KDM4B: variants seen among roughly 807,000 people sequenced by gnomAD.
KDM4B encodes the protein lysine-specific demethylase 4B.
Under a neutral mutation model 125.2 loss-of-function variants are expected in KDM4B, and 32 were observed. The observed-to-expected ratio is 0.26, with a 90% CI of 0.19 to 0.34. The LOEUF is 0.34. KDM4B is among the 10% of genes least tolerant of loss of function. The pLI, the probability that KDM4B is intolerant of heterozygous loss-of-function variation, is 1.00. For missense variants in KDM4B, 1,190 were observed against 1,577.7 expected, an observed-to-expected ratio of 0.75 and a Z score of 4.16; for synonymous variants, 721 against 677.9, an observed-to-expected ratio of 1.06 and a Z score of -0.99.
intron 2 of KDM4B, among the ~76,000 whole-genome samples, chr19:5,019,868 GGGTGTGCAGGTGTT>G (rs1457558377): frequency 1.4e-5 from 2 of 139,544 alleles, no homozygotes. Flanking sequence ...GTGTCGGTGT[GGGTGTGCAGGTGTT>G]GGTGTGCAGG....
intron 1 of KDM4B, among the ~76,000 whole-genome samples, chr19:5,015,771 C>T (rs1320098361): frequency 6.6e-6 from 1 of 152,236 alleles, no homozygotes; most frequent in Non-Finnish European, 1.5e-5. Context: ...ATCTGAGCGT[C>T]TTTGTGTCCA....
At chr19:5,120,493 G>A (rs1423570615) in intron 11 of KDM4B, among the ~76,000 whole-genome samples, 1 of 136,548 alleles carries the variant, frequency 7.3e-6, no homozygotes, top group Admixed American at 6.9e-5. Flanking sequence ...CCCGGGGCTG[G>A]CAAGACAGGG....
intron 9 of KDM4B, among the ~76,000 whole-genome samples, chr19:5,104,919 A>C (rs1380783043): frequency 6.6e-6 from 1 of 152,178 alleles, no homozygotes; most frequent in East Asian, 1.9e-4. Flanking sequence ...GGGCTCATTA[A>C]GATAACTGGG....
rs1172720868 is a variant in KDM4B at position 5,131,400 on chromosome 19, G to A, written c.1640G>A (p.Cys547Tyr). 1.9e-6 allele frequency: 3 copies of A among 1,611,540 alleles called. No homozygotes were observed. The highest frequency in any genetic ancestry group is 2.5e-6 in the Non-Finnish European group (3 of 1,179,674). ...GCCTTCAACCAGGAGCACGTGTCCT[G>A]CCAGCAGGCCTTTGAGCACTTTGCC... is the stretch of plus-strand genomic sequence containing the variant. ...KAAFNQEHVS[C>Y]QQAFEHFAQK... Residue 547 changes from cysteine to tyrosine, a missense_variant, in exon 12 of 23, where the codon TGC (cysteine) becomes TAC (tyrosine). Transcript: ENST00000159111.
At chr19:5,136,804 T>C (rs2039656248) in intron 15 of KDM4B, among the ~76,000 whole-genome samples, 1 of 152,148 alleles carries the variant, frequency 6.6e-6, no homozygotes, top group Non-Finnish European at 1.5e-5. Context: ...CTGCCCTCGC[T>C]CTGGGGGCAT....
intron 21 of KDM4B, among the ~76,000 whole-genome samples, chr19:5,145,540 C>T (rs2039826532): frequency 6.6e-6 from 1 of 152,122 alleles, no homozygotes; most frequent in Non-Finnish European, 1.5e-5. Context: ...GAGATCACAC[C>T]ACTGCACTCC....
chr19:4,974,551 C>A (rs888155061), intron 1 of KDM4B, among the ~76,000 whole-genome samples: 1 of 151,512 alleles, frequency 6.6e-6, no homozygotes, highest in East Asian at 2.0e-4. Flanking sequence ...CCAGCCTGGC[C>A]AACATAGTGA....
In KDM4B at chr19:5,078,778, C is replaced by G. The variant is rs1357300327; in HGVS notation, c.780+1308C>G. The G allele has an allele frequency of 1.3e-5, 2 of 152,142 alleles. No individual in the cohort carries two copies. Among genetic ancestry groups the G allele is most frequent in the East Asian group, 1.9e-4 (1 of 5,150 alleles). 9.4% of individuals were successfully genotyped at this position (152,142 alleles called of 1,614,324 possible). On this transcript the variant is annotated intron_variant, in intron 8 of 22. Transcript: ENST00000159111. The surrounding 1 kb of genome is among the most constrained non-coding windows in gnomAD (Gnocchi z 4.5). ...AACCTGAGCCAAAGGTGGCTCACCA[C>G]CAGCCTCAGAGCGGCTGCTGGCACC...
intron 1 of KDM4B, among the ~76,000 whole-genome samples, chr19:4,978,921 G>C (rs1431981658): frequency 2.0e-5 from 3 of 152,218 alleles, no homozygotes; most frequent in Non-Finnish European, 4.4e-5. Context: ...AGGGGCGCAG[G>C]GTGGCCAGAT....
chr19:5,042,649 A>T (rs1279281513), intron 5 of KDM4B, among the ~76,000 whole-genome samples: 1 of 151,600 alleles, frequency 6.6e-6, no homozygotes, highest in Non-Finnish European at 1.5e-5. Flanking sequence ...GTGAAGGAGG[A>T]GCTGATCCAT....
At chr19:4,982,416 C>T (rs1369656771) in intron 1 of KDM4B, among the ~76,000 whole-genome samples, 5 of 137,812 alleles carry the variant, frequency 3.6e-5, no homozygotes, top group Non-Finnish European at 6.1e-5. Flanking sequence ...CGCACCACTG[C>T]GCTCCAGCCT....
chr19:5,096,457 GGGAGCAC>G (rs2038825016), intron 9 of KDM4B, among the ~76,000 whole-genome samples: 1 of 152,136 alleles, frequency 6.6e-6, no homozygotes, highest in Admixed American at 6.5e-5. Flanking sequence ...ACCTTGGATG[GGGAGCAC>G]GGTCCCAGGT....
In KDM4B at chr19:5,063,406, C is replaced by T. The variant is rs114907399; in HGVS notation, c.627-7604C>T. 5.8e-3 allele frequency among the ~76,000 whole-genome samples: 882 copies of T among 152,294 alleles called. 9 individuals are homozygous for T. The highest frequency in any genetic ancestry group is 0.02 in the African/African-American group (832 of 41,564). On this transcript the variant is annotated intron_variant, in intron 6 of 22. Transcript: ENST00000159111. ...CGGATTCAGAAAACGAGCTCAGTAA[C>T]GTCAGATATTCCCTACTGCTTGCCA...
At chr19:5,085,220 G>A (rs570918867) in intron 9 of KDM4B, among the ~76,000 whole-genome samples, 116 of 152,282 alleles carry the variant, frequency 7.6e-4, no homozygotes, top group Non-Finnish European at 1.3e-3. Flanking sequence ...AGAAAGTCTC[G>A]AATGTCTCTA....
chr19:5,014,953 C>A (rs2035846611), intron 1 of KDM4B, among the ~76,000 whole-genome samples: 1 of 151,412 alleles, frequency 6.6e-6, no homozygotes, highest in Admixed American at 6.6e-5. Context: ...CGAGATCGTG[C>A]CACTGCACTC....
intron 11 of KDM4B, among the ~76,000 whole-genome samples, chr19:5,130,823 C>G (rs1227481739): frequency 6.6e-6 from 1 of 152,212 alleles, no homozygotes; most frequent in African/African-American, 2.4e-5. Context: ...TCCTCACAGG[C>G]CTTGGCAGGC....
chr19:5,081,690 T>C lies in KDM4B; in HGVS notation c.781-677T>C, dbSNP rs1404184633. Among the ~76,000 whole-genome samples, 1 of 152,186 alleles carries C rather than the reference T, an allele frequency of 6.6e-6. No individual in the cohort carries two copies. The highest frequency in any genetic ancestry group is 1.5e-5 in the Non-Finnish European group (1 of 68,028). On this transcript the variant is annotated intron_variant, in intron 8 of 22. Coordinates refer to ENST00000159111, the MANE Select transcript of KDM4B (RefSeq NM_015015.3). The surrounding 1 kb of genome is among the most constrained non-coding windows in gnomAD (Gnocchi z 4.2). Reference sequence around the variant, plus strand: ...GTGGTGTCAGGTCATGCCCCCGGTGTGCAGATATTTCTGGATCTCCATGAC... The same window carrying C: ...GTGGTGTCAGGTCATGCCCCCGGTGCGCAGATATTTCTGGATCTCCATGAC...
chr19:4,990,413 C>T (rs781553308), intron 1 of KDM4B, among the ~76,000 whole-genome samples: 1 of 152,196 alleles, frequency 6.6e-6, no homozygotes, highest in African/African-American at 2.4e-5. Context: ...CTTAGCAGTG[C>T]AGGTTTCTGT....
At chr19:5,012,142 G>A (rs75012405) in intron 1 of KDM4B, among the ~76,000 whole-genome samples, 9,843 of 152,200 alleles carry the variant, frequency 0.065, 1,035 homozygotes, top group African/African-American at 0.22. Context: ...CCTAGAAGCC[G>A]CAGCAGGGTT....
Sources: gnomAD v4.1 joint callset for allele counts (sites outside exome capture counted in the v4.1 genomes callset) on GRCh38, gnomAD v4.1.1 for gene constraint, Gnocchi (gnomAD v3.1) non-coding constraint, MANE v1.5 for transcripts, NCBI Gene and HGNC (gene_info 2026-07-23, HGNC 2026-07-21) for gene names.